Variants in ZMIZ1 observed in about 807,000 individuals in gnomAD.
ZMIZ1 encodes the protein zinc finger MIZ-type containing 1.
ZMIZ1 carries 17 observed loss-of-function variants against 113.9 expected under a neutral mutation model. That is an observed-to-expected ratio of 0.15 (90% CI 0.10 to 0.22). The LOEUF (loss-of-function observed/expected upper bound fraction) is 0.22. ZMIZ1 is among the 10% of genes least tolerant of loss of function. The pLI is 1.00. For synonymous variants in ZMIZ1, 607 were observed against 603.1 expected (o/e 1.01, Z -0.09); for missense variants, 1,059 against 1,477.8 (o/e 0.72, Z 4.65).
intron 8 of ZMIZ1, among the ~76,000 whole-genome samples, chr10:79,286,908 TTC>T (rs979467485): frequency 1.3e-5 from 2 of 152,150 alleles, no homozygotes; most frequent in African/African-American, 4.8e-5. Flanking sequence ...GCCAGGCATG[TTC>T]TCAAAGGATA....
chr10:79,076,097 A>G (rs779017857), intron 1 of ZMIZ1, among the ~76,000 whole-genome samples: 3 of 152,224 alleles, frequency 2.0e-5, no homozygotes, highest in Non-Finnish European at 4.4e-5. Context: ...GTAGCATAAA[A>G]TTAGTGGGAA....
chr10:79,116,947 A>G (rs879269801), intron 1 of ZMIZ1, among the ~76,000 whole-genome samples: 4 of 152,338 alleles, frequency 2.6e-5, no homozygotes, highest in Admixed American at 6.5e-5. Context: ...ATGAAACCTC[A>G]CAATTCTGTG....
At chr10:79,243,529 G>A (rs1414820431) in intron 7 of ZMIZ1, 1 of 146,994 alleles carries the variant, frequency 6.8e-6, no homozygotes, top group Non-Finnish European at 1.5e-5. Flanking sequence ...GGGCAGCGCG[G>A]AGCGAGCGGG....
intron 10 of ZMIZ1, among the ~76,000 whole-genome samples, chr10:79,291,387 T>A (rs951064044): frequency 1.3e-5 from 2 of 152,260 alleles, no homozygotes; most frequent in African/African-American, 4.8e-5. Context: ...GTTCTGACAG[T>A]CGTCAGACTC....
At chr10:79,190,311 T>C (rs894102280) in intron 4 of ZMIZ1, among the ~76,000 whole-genome samples, 5 of 152,182 alleles carry the variant, frequency 3.3e-5, no homozygotes, top group South Asian at 4.1e-4. Flanking sequence ...GTTGGGGCAG[T>C]TGGGGCTCCT....
chr10:79,092,354 A>G (rs1040794860), intron 1 of ZMIZ1, among the ~76,000 whole-genome samples: 4 of 152,194 alleles, frequency 2.6e-5, no homozygotes, highest in African/African-American at 9.7e-5. Context: ...GGGTGACCCT[A>G]GGACCTGGGT....
chr10:79,114,404 G>C (rs1272816599), intron 1 of ZMIZ1, among the ~76,000 whole-genome samples: 1 of 152,158 alleles, frequency 6.6e-6, no homozygotes, highest in African/African-American at 2.4e-5. Context: ...GAAATCTGGA[G>C]GCTGGGAGTG....
chr10:79,159,126 G>T (rs1261967254), intron 3 of ZMIZ1, among the ~76,000 whole-genome samples: 1 of 152,168 alleles, frequency 6.6e-6, no homozygotes, highest in Non-Finnish European at 1.5e-5. Context: ...GCTTCCACTG[G>T]CCTTGAGGCT....
intron 7 of ZMIZ1, among the ~76,000 whole-genome samples, chr10:79,254,554 T>C (rs1309682937): frequency 1.3e-5 from 2 of 152,246 alleles, no homozygotes; most frequent in African/African-American, 4.8e-5. Context: ...CTCTATTCAC[T>C]GCTAAGCAAA....
intron 3 of ZMIZ1, among the ~76,000 whole-genome samples, chr10:79,155,128 A>C (rs1307480815): frequency 6.6e-6 from 1 of 152,192 alleles, no homozygotes; most frequent in Non-Finnish European, 1.5e-5. Context: ...ACCTAGATGC[A>C]TTGGAACCCA....
At chr10:79,281,853 G>A (rs1478211485) in intron 8 of ZMIZ1, among the ~76,000 whole-genome samples, 1 of 152,234 alleles carries the variant, frequency 6.6e-6, no homozygotes, top group East Asian at 1.9e-4. Flanking sequence ...AAGGGCAGAG[G>A]AAGATATTAA....
At chr10:79,097,534 C>T (rs577882890) in intron 1 of ZMIZ1, among the ~76,000 whole-genome samples, 15 of 152,266 alleles carry the variant, frequency 9.9e-5, no homozygotes, top group South Asian at 6.2e-4. Flanking sequence ...TGCAATGTGA[C>T]GAACTCGAGA....
chr10:79,225,632 C>G (rs1318053082), intron 7 of ZMIZ1, among the ~76,000 whole-genome samples: 3 of 152,118 alleles, frequency 2.0e-5, no homozygotes, highest in Admixed American at 2.0e-4. Flanking sequence ...GCTTAAAGAC[C>G]AGTGAGCACC....
At chr10:79,202,162 TG>T (rs1848114738) in intron 5 of ZMIZ1, among the ~76,000 whole-genome samples, 1 of 109,908 alleles carries the variant, frequency 9.1e-6, no homozygotes, top group Non-Finnish European at 1.7e-5. Flanking sequence ...GAGCCCAGCC[TG>T]GGTAACATAG....
chr10:79,171,836 ACACAC>A (rs773391191), intron 4 of ZMIZ1, among the ~76,000 whole-genome samples: 5 of 152,156 alleles, frequency 3.3e-5, no homozygotes, highest in Admixed American at 6.5e-5. Context: ...ATCACTGGGC[ACACAC>A]CTGGCCCTGT....
intron 5 of ZMIZ1, among the ~76,000 whole-genome samples, chr10:79,205,866 G>A (rs539219923): frequency 1.3e-5 from 2 of 152,290 alleles, no homozygotes; most frequent in East Asian, 1.9e-4. Context: ...GGAGACGGTG[G>A]TAGGAGGACT....
rs755009589 is a variant in ZMIZ1 at position 79,297,581 on chromosome 10, C to T, written c.1414-32C>T. The T allele has an allele frequency of 3.1e-6, 5 of 1,598,460 alleles. No homozygotes were observed. In the South Asian group the frequency reaches 5.5e-5, roughly 18 times the overall value. The stretch of plus-strand genomic sequence containing the variant: ...CGGGCTTCTGATGGCTTTTCTGCCC[C>T]CCACTCAGTGTTGTTTATCTTGTTT... On this transcript the variant is annotated intron_variant, in intron 13 of 24. Transcript: ENST00000334512.
intron 9 of ZMIZ1, among the ~76,000 whole-genome samples, chr10:79,290,294 C>T (rs1853393111): frequency 6.6e-6 from 1 of 152,192 alleles, no homozygotes. Flanking sequence ...CTGACAACTC[C>T]CTACTCCCCA....
Position 79,160,720 on chromosome 10 carries a change from G to A in ZMIZ1, c.-130-1333G>A, listed in dbSNP as rs553767595. Reference sequence around the variant, plus strand: ...CCCTGGGAGCCCCTGCCTGTGCACAGTGAGGTGGAGCCCAGGCTGAGGCCC... The same window carrying A: ...CCCTGGGAGCCCCTGCCTGTGCACAATGAGGTGGAGCCCAGGCTGAGGCCC... On this transcript the variant is annotated intron_variant, in intron 3 of 24. Transcript: ENST00000334512. 2.5e-3 allele frequency among the ~76,000 whole-genome samples: 383 copies of A among 152,356 alleles called. 1 individual carries two copies. Among genetic ancestry groups the A allele is most frequent in the African/African-American group, 8.5e-3 (353 of 41,580 alleles).
Sources: gnomAD v4.1 joint callset for allele counts (sites outside exome capture counted in the v4.1 genomes callset) on GRCh38, gnomAD v4.1.1 for gene constraint, MANE v1.5 for transcripts, NCBI Gene and HGNC (gene_info 2026-07-23, HGNC 2026-07-21) for gene names.